Variants in MYH13 observed in about 807,000 individuals in gnomAD.
MYH13 encodes the protein myosin-13.
In MYH13, 177 loss-of-function variants were observed where a neutral mutation model predicts 232.1. The observed-to-expected ratio is 0.76, with a 90% CI of 0.67 to 0.86. MYH13 has a LOEUF of 0.86. MYH13 is among the 40% of genes least tolerant of loss of function. The pLI is 0.00. For synonymous variants in MYH13, 884 were observed against 923.5 expected, an observed-to-expected ratio of 0.96 and a Z score of 0.78; for missense variants, 2,246 against 2,405.9, an observed-to-expected ratio of 0.93 and a Z score of 1.39.
chr17:10,308,122 C>G (rs898781239), intron 35 of MYH13, among the ~76,000 whole-genome samples: 1 of 151,870 alleles, frequency 6.6e-6, no homozygotes, highest in Non-Finnish European at 1.5e-5. Flanking sequence ...GTCAGGAGAT[C>G]GAGACAATCC....
intron 31 of MYH13, 115 bp downstream of exon 31, chr17:10,312,459 G>T: frequency 8.1e-7 from 1 of 1,230,448 alleles, no homozygotes; most frequent in Non-Finnish European, 1.1e-6. Context: ...TTTCACCACT[G>T]CCACTGCAAA....
At chr17:10,310,790 CTA>C (rs1349825168) in intron 33 of MYH13, among the ~76,000 whole-genome samples, 8 of 152,184 alleles carry the variant, frequency 5.3e-5, no homozygotes, top group Non-Finnish European at 1.0e-4. Flanking sequence ...GTCTGTGCCT[CTA>C]TGTTAAACAT....
chr17:10,312,775 T>G lies in MYH13; in HGVS notation c.4182-18A>C, dbSNP rs750476581. The G allele has an allele frequency of 6.2e-7, 1 of 1,602,072 alleles. No homozygotes were observed. On this transcript the variant is annotated intron_variant, in intron 30 of 40. Transcript: ENST00000252172. ...GTTTTTTCCTACGAAAACCAGATTTTTTTTTTCCCCTTCGCAAAGGTGGAA... is the reference window on the plus strand; with the variant it reads ...GTTTTTTCCTACGAAAACCAGATTTGTTTTTTCCCCTTCGCAAAGGTGGAA...
At chr17:10,331,433 C>T (rs530028117) in intron 20 of MYH13, among the ~76,000 whole-genome samples, 5 of 152,182 alleles carry the variant, frequency 3.3e-5, no homozygotes, top group Admixed American at 6.5e-5. Context: ...GTAAGTTTCT[C>T]GACCTCCCAA....
chr17:10,307,007 C>T lies in MYH13; in HGVS notation c.5227G>A (p.Ala1743Thr). The part of the protein sequence containing the change: ...KLEADIAQCQ[A>T]EVENSIQESR... ...TCCTGGATCGAGTTCTCCACCTCTGCCTGGCACTGAGCTATGTCAGCCTCC... is the reference window on the plus strand; with the variant it reads ...TCCTGGATCGAGTTCTCCACCTCTGTCTGGCACTGAGCTATGTCAGCCTCC... Residue 1743 changes from alanine (A) to threonine (T), a missense_variant, in exon 36 of 41, where the codon GCA becomes ACA. Physicochemically the swap from Ala to Thr is moderately conservative, Grantham distance 58. Coordinates refer to ENST00000252172, the MANE Select transcript of MYH13 (RefSeq NM_003802.3). 1 of 1,613,996 alleles carries T rather than the reference C, an allele frequency of 6.2e-7. No individual in the cohort carries two copies. The highest frequency in any genetic ancestry group is 1.7e-4 in the Middle Eastern group (1 of 6,054).
intron 18 of MYH13, among the ~76,000 whole-genome samples, chr17:10,334,924 G>C (rs1039501529): frequency 1.1e-4 from 17 of 151,502 alleles, no homozygotes; most frequent in African/African-American, 3.6e-4. Flanking sequence ...AAAATTCATA[G>C]AACCGCCGAT....
At position 10,333,207 on chromosome 17, in the gene MYH13, C is replaced by T. The variant is rs1222465285; in HGVS notation, c.2057-16G>A. 6.6e-7 allele frequency: 1 copy of T among 1,515,388 alleles called. No homozygotes were observed. Among genetic ancestry groups the T allele is most frequent in the South Asian group, 1.2e-5 (1 of 83,478 alleles). 93.9% of individuals were successfully genotyped at this position (1,515,388 alleles called of 1,614,324 possible). A position where few individuals can be genotyped will look rare whatever the true frequency, so the allele number is the denominator to read the frequency against. On this transcript the variant is annotated splice_polypyrimidine_tract_variant and intron_variant, in intron 18 of 40. Transcript: ENST00000252172. ...TCCATCACACCTGGAGAGAGAACGTCCCGGGGGTGTGCCTGTGACCCCTTC... is the reference window on the plus strand; with the variant it reads ...TCCATCACACCTGGAGAGAGAACGTTCCGGGGGTGTGCCTGTGACCCCTTC...
At chr17:10,308,883 C>A (rs1391117081) in intron 35 of MYH13, among the ~76,000 whole-genome samples, 2 of 151,962 alleles carry the variant, frequency 1.3e-5, no homozygotes, top group East Asian at 3.9e-4. Context: ...TGAGCCGGGT[C>A]AAAAATAATT....
In MYH13 at chr17:10,312,729, C is replaced by T. The variant is rs1856185374; in HGVS notation, c.4210G>A (p.Ala1404Thr). The T allele has an allele frequency of 1.9e-6, 3 of 1,613,130 alleles. No homozygotes were observed. Among genetic ancestry groups the T allele is most frequent in the African/African-American group, 1.3e-5 (1 of 74,866 alleles). Residue 1404 changes from alanine to threonine, a missense_variant, in exon 31 of 41, where the codon GCA becomes ACA. Coordinates refer to ENST00000252172, the MANE Select transcript of MYH13 (RefSeq NM_003802.3). ...TTCGCCGTCTCCGTGTTCTCCTCTGCTTCCTGGAGCCTCTGGGCCAGTTTT... is the reference window on the plus strand; with the variant it reads ...TTCGCCGTCTCCGTGTTCTCCTCTGTTTCCTGGAGCCTCTGGGCCAGTTTT... Reference protein sequence around the residue: ...KKKLAQRLQEAEENTETANSK... With the variant: ...KKKLAQRLQETEENTETANSK...
In MYH13 at chr17:10,363,315, C is replaced by CAAAAAAA. The variant is rs11390504; in HGVS notation, c.205-819_205-813dup. Among the ~76,000 whole-genome samples the CAAAAAAA allele has an allele frequency of 2.4e-3, 221 of 91,742 alleles. 6 individuals carry two copies. Among genetic ancestry groups the CAAAAAAA allele is most frequent in the African/African-American group, 9.5e-3 (202 of 21,284 alleles). The allele number at this position is 91,742 out of a possible 152,430, so 60.2% of individuals were successfully genotyped here. ...TGGGCGACACAGTGAGACTCCGTCT[C>CAAAAAAA]AAAAAAAAAAAAAAAAAAAAATAGG... On this transcript the variant is annotated intron_variant, in intron 3 of 40. Coordinates refer to ENST00000252172, the MANE Select transcript of MYH13 (RefSeq NM_003802.3).
intron 2 of MYH13, among the ~76,000 whole-genome samples, chr17:10,368,017 T>G (rs2071850118): frequency 6.6e-6 from 1 of 152,230 alleles, no homozygotes; most frequent in Non-Finnish European, 1.5e-5. Context: ...CACTAGTCTG[T>G]CTTGCATTTT....
intron 15 of MYH13, among the ~76,000 whole-genome samples, chr17:10,344,946 GC>G (rs2071650764): frequency 1.3e-5 from 2 of 152,036 alleles, no homozygotes; most frequent in Non-Finnish European, 1.5e-5. Context: ...GGTAAGAAAT[GC>G]CACAGTCCTT....
intron 6 of MYH13, 34 bp downstream of exon 6, chr17:10,360,127 C>T: frequency 6.2e-7 from 1 of 1,614,060 alleles, no homozygotes. Context: ...GCACTGGTTT[C>T]CAAGTCATGA....
In MYH13 at chr17:10,344,228, G is replaced by A. The variant is rs550175631; in HGVS notation, c.1585-119C>T. 8 of 1,400,776 alleles carry A rather than the reference G, an allele frequency of 5.7e-6. No homozygotes were observed. In the South Asian group the frequency reaches 1.0e-4, roughly 18 times the overall value. The allele number at this position is 1,400,776 out of a possible 1,614,324, so 86.8% of individuals were successfully genotyped here. A position where few individuals can be genotyped will look rare whatever the true frequency, so the allele number is the denominator to read the frequency against. ...TGGTACCAGGAATGCTGGCATGTAC[G>A]CTCGGTGAGAGCAAGACTCTTGGTC... On this transcript the variant is annotated intron_variant, in intron 15 of 40. Transcript: ENST00000252172.
At chr17:10,328,439 GGA>G (rs1376487385) in intron 21 of MYH13, among the ~76,000 whole-genome samples, 2 of 152,188 alleles carry the variant, frequency 1.3e-5, no homozygotes, top group Non-Finnish European at 2.9e-5. Flanking sequence ...CTCAATGCAA[GGA>G]ATAGCTTTCA....
At chr17:10,303,105 A>C in intron 39 of MYH13, 91 bp downstream of exon 39, 1 of 1,089,824 alleles carries the variant, frequency 9.2e-7, no homozygotes, top group Non-Finnish European at 1.4e-6. Context: ...CCTGAGGCTC[A>C]GGGGACTTTA....
intron 12 of MYH13, among the ~76,000 whole-genome samples, chr17:10,349,083 CCT>C (rs56856055): frequency 0.13 from 19,122 of 149,252 alleles, 1,254 homozygotes; most frequent in East Asian, 0.15. Flanking sequence ...CCCTTCTCCC[CCT>C]CTCTCTCTCT....
chr17:10,322,141 C>T (rs1471426236), intron 23 of MYH13, among the ~76,000 whole-genome samples: 1 of 152,082 alleles, frequency 6.6e-6, no homozygotes, highest in Non-Finnish European at 1.5e-5. Context: ...GCCTGTAATC[C>T]CAGCACTTTG....
At position 10,345,523 on chromosome 17, in the gene MYH13, G is replaced by T; in HGVS notation, c.1357C>A (p.Gln453Lys). Reference sequence around the variant, plus strand: ...ACCCCGATGAAGTACTGCCTGGGCTGCTTGGTGTCCAGCTGCTGGTTGATG... The same window carrying T: ...ACCCCGATGAAGTACTGCCTGGGCTTCTTGGTGTCCAGCTGCTGGTTGATG... ...TRINQQLDTK[Q>K]PRQYFIGVLD... Residue 453 changes from glutamine to lysine, a missense_variant, in exon 14 of 41, where the codon CAG becomes AAG. Transcript: ENST00000252172. 6.2e-7 allele frequency: 1 copy of T among 1,614,208 alleles called. No individual in the cohort carries two copies. The highest frequency in any genetic ancestry group is 8.5e-7 in the Non-Finnish European group (1 of 1,180,042).
Sources: gnomAD v4.1 joint callset for allele counts (sites outside exome capture counted in the v4.1 genomes callset) on GRCh38, gnomAD v4.1.1 for gene constraint, MANE v1.5 for transcripts, NCBI Gene and HGNC (gene_info 2026-07-23, HGNC 2026-07-21) for gene names.